The following IL1RAPL2 variants were observed in gnomAD, a reference collection of about 807,000 sequenced individuals.
IL1RAPL2 encodes interleukin 1 receptor accessory protein like 2.
Under a neutral mutation model 44.1 loss-of-function variants are expected in IL1RAPL2, and 3 were observed. The ratio of observed to expected loss-of-function variants is 0.07; its 90% confidence interval spans 0.03 to 0.18. The LOEUF is 0.18. IL1RAPL2 is among the 10% of genes least tolerant of loss of function. The probability of loss-of-function intolerance (pLI) is 1.00; values close to 1 mark genes in which losing one functional copy is unlikely to be tolerated. For synonymous variants in IL1RAPL2, 181 were observed against 178.8 expected (o/e 1.01, Z -0.10); for missense variants, 391 against 496.4 (o/e 0.79, Z 2.02).
intron 2 of IL1RAPL2, among the ~76,000 whole-genome samples, chrX:105,078,753 C>G (rs4540551): frequency 0.092 from 10,310 of 112,060 alleles, 1,047 homozygotes; most frequent in African/African-American, 0.29. Context: ...CCCCCAGCCT[C>G]GCTGCCACCT....
intron 2 of IL1RAPL2, among the ~76,000 whole-genome samples, chrX:105,127,444 A>G (rs1177619142): frequency 2.7e-5 from 3 of 111,534 alleles, no homozygotes; most frequent in Admixed American, 1.9e-4. Flanking sequence ...ATCAGTGGCT[A>G]GTTTGAGCAT....
intron 1 of IL1RAPL2, among the ~76,000 whole-genome samples, chrX:104,653,422 G>A (rs1329358962): frequency 9.0e-6 from 1 of 111,371 alleles, no homozygotes; most frequent in Admixed American, 9.5e-5. Context: ...CACCTCTCCC[G>A]AGGGTTCTTT....
intron 6 of IL1RAPL2, among the ~76,000 whole-genome samples, chrX:105,669,881 G>A (rs2147852034): frequency 9.3e-6 from 1 of 107,080 alleles, no homozygotes; most frequent in Non-Finnish European, 1.9e-5. Context: ...CTTTTACAGT[G>A]CTACATTTTA....
chrX:105,276,011 A>G (rs1379259026), intron 5 of IL1RAPL2, among the ~76,000 whole-genome samples: 1 of 112,146 alleles, frequency 8.9e-6, no homozygotes, highest in Non-Finnish European at 1.9e-5. Flanking sequence ...TTGGTATACC[A>G]ATCCATTGTT....
chrX:104,677,036 G>A (rs1930779550), intron 2 of IL1RAPL2, among the ~76,000 whole-genome samples: 1 of 111,219 alleles, frequency 9.0e-6, no homozygotes, highest in Non-Finnish European at 1.9e-5. Context: ...TTTGCCTTTG[G>A]TTTGAATGTC....
In IL1RAPL2 at chrX:104,730,892, C is replaced by A. The variant is rs1290430376; in HGVS notation, c.82+71897C>A. 5.7e-3 allele frequency among the ~76,000 whole-genome samples: 632 copies of A among 111,109 alleles called. 2 individuals carry two copies. Among genetic ancestry groups the A allele is most frequent in the African/African-American group, 0.02 (601 of 30,592 alleles). On this transcript the variant is annotated intron_variant, in intron 2 of 10. Transcript: ENST00000372582. ...CATCCTCTCCAGCACCTGTTTTTTC[C>A]TGACTTTTTAATGATCACCATTCTA...
intron 2 of IL1RAPL2, among the ~76,000 whole-genome samples, chrX:104,782,684 A>G (rs1292927426): frequency 2.7e-5 from 3 of 111,105 alleles, no homozygotes; most frequent in Admixed American, 1.9e-4. Flanking sequence ...ACCTTATTCA[A>G]CTAGAAAGGA....
intron 2 of IL1RAPL2, among the ~76,000 whole-genome samples, chrX:104,898,026 A>T (rs1923703332): frequency 8.9e-6 from 1 of 112,108 alleles, no homozygotes; most frequent in Non-Finnish European, 1.9e-5. Flanking sequence ...TAAGTGTTGA[A>T]TATAAGCCCC....
intron 5 of IL1RAPL2, among the ~76,000 whole-genome samples, chrX:105,445,368 T>A (rs924517717): frequency 3.6e-5 from 4 of 111,465 alleles, no homozygotes; most frequent in African/African-American, 1.3e-4. Flanking sequence ...TTGATCGTTT[T>A]TATTATTTTC....
intron 6 of IL1RAPL2, among the ~76,000 whole-genome samples, chrX:105,613,344 G>A (rs759456096): frequency 7.1e-5 from 8 of 112,433 alleles, no homozygotes; most frequent in South Asian, 3.7e-4. Flanking sequence ...AGTATGCCAT[G>A]GGCCTTCAGT....
At chrX:105,107,355 T>C (rs1312214144) in intron 2 of IL1RAPL2, among the ~76,000 whole-genome samples, 1 of 112,063 alleles carries the variant, frequency 8.9e-6, no homozygotes, top group Non-Finnish European at 1.9e-5. Flanking sequence ...TTGATTGACC[T>C]TGGATGAGTC....
intron 6 of IL1RAPL2, among the ~76,000 whole-genome samples, chrX:105,498,121 C>T (rs1319603649): frequency 2.7e-5 from 3 of 111,872 alleles, no homozygotes; most frequent in Non-Finnish European, 5.6e-5. Flanking sequence ...AGTATCACTG[C>T]TCACAAATGG....
Position 105,732,080 on chromosome X carries a change from G to T in IL1RAPL2, c.903-8466G>T, listed in dbSNP as rs1019789859. Reference sequence around the variant, plus strand: ...GTACAACATAAATTAAAAATATTACGTATTAATAGAAAATAAAGTGATATT... The same window carrying T: ...GTACAACATAAATTAAAAATATTACTTATTAATAGAAAATAAAGTGATATT... On this transcript the variant is annotated intron_variant, in intron 7 of 10. Transcript: ENST00000372582. Among the ~76,000 whole-genome samples, 6 of 111,168 alleles carry T rather than the reference G, an allele frequency of 5.4e-5. No homozygotes were observed. The East Asian group carries it at 1.4e-3, about 27-fold the overall frequency.
intron 2 of IL1RAPL2, among the ~76,000 whole-genome samples, chrX:105,114,381 T>G (rs905295703): frequency 8.9e-6 from 1 of 112,384 alleles, no homozygotes; most frequent in Admixed American, 9.4e-5. Context: ...CCTGAACAGA[T>G]TAAGGCAATG....
intron 2 of IL1RAPL2, among the ~76,000 whole-genome samples, chrX:104,890,334 A>G (rs1239974413): frequency 3.6e-5 from 4 of 111,607 alleles, no homozygotes; most frequent in Non-Finnish European, 7.5e-5. Flanking sequence ...GGCTGGGTCA[A>G]ATGGTATTTC....
chrX:104,980,287 C>T (rs1010091149), intron 2 of IL1RAPL2, among the ~76,000 whole-genome samples: 1 of 111,823 alleles, frequency 8.9e-6, no homozygotes, highest in Non-Finnish European at 1.9e-5. Context: ...TATGCATATA[C>T]GTGTGATGAT....
chrX:105,145,144 A>C (rs777356166), intron 2 of IL1RAPL2, among the ~76,000 whole-genome samples: 8 of 111,829 alleles, frequency 7.2e-5, no homozygotes, highest in Non-Finnish European at 1.5e-4. Flanking sequence ...GTAAAACCTA[A>C]TTTCTGCTTT....
intron 6 of IL1RAPL2, among the ~76,000 whole-genome samples, chrX:105,615,464 T>G (rs1041365213): frequency 1.8e-5 from 2 of 111,896 alleles, no homozygotes; most frequent in African/African-American, 3.3e-5. Flanking sequence ...ATAAAGAAAA[T>G]GTGGTACATA....
At chrX:104,705,292 G>A (rs758625338) in intron 2 of IL1RAPL2, among the ~76,000 whole-genome samples, 4 of 110,922 alleles carry the variant, frequency 3.6e-5, no homozygotes, top group Non-Finnish European at 7.6e-5. Flanking sequence ...ATCTAATAAC[G>A]TGCAACTGTG....
Sources: gnomAD v4.1 joint callset for allele counts (sites outside exome capture counted in the v4.1 genomes callset) on GRCh38, gnomAD v4.1.1 for gene constraint, MANE v1.5 for transcripts, NCBI Gene and HGNC (gene_info 2026-07-23, HGNC 2026-07-21) for gene names.